The following OSMR variants were observed in gnomAD, a reference collection of about 807,000 sequenced individuals.
The protein encoded by OSMR is oncostatin-M-specific receptor subunit beta.
Under a neutral mutation model 99.9 loss-of-function variants are expected in OSMR, and 81 were observed. That is an observed-to-expected ratio of 0.81 (90% CI 0.68 to 0.97). The LOEUF is 0.97. Among genes scored for constraint, OSMR ranks in the 50% least tolerant of loss-of-function variants. The pLI is 0.00. For synonymous variants in OSMR, 406 were observed against 410.4 expected, an observed-to-expected ratio of 0.99 and a Z score of 0.13; for missense variants, 1,099 against 1,153.4, an observed-to-expected ratio of 0.95 and a Z score of 0.68.
exon 3 of OSMR, chr5:38,945,042 A>T: frequency 6.2e-7 from 1 of 1,608,800 alleles, no homozygotes; most frequent in Non-Finnish European, 8.5e-7. Flanking sequence ...TGCTCACACC[A>T]ATCAGAATAT....
chr5:38,876,194 T>C lies in OSMR; in HGVS notation c.74-7T>C, dbSNP rs369372985. 3.7e-6 allele frequency: 6 copies of C among 1,609,826 alleles called. No individual in the cohort carries two copies. Among genetic ancestry groups the C allele is most frequent in the Non-Finnish European group, 5.1e-6 (6 of 1,176,358 alleles). The stretch of plus-strand genomic sequence containing the variant: ...TATTATTTCATACTTCATTTTGATC[T>C]TTTCAGTCTTGGCTGAACGTTTACC... On this transcript the variant is annotated splice_polypyrimidine_tract_variant and splice_region_variant and intron_variant, in intron 2 of 17. Coordinates refer to ENST00000274276, the MANE Select transcript of OSMR (RefSeq NM_003999.3).
chr5:38,885,407 C>T lies in OSMR; in HGVS notation c.762C>T (p.His254=). 1.9e-6 allele frequency: 3 copies of T among 1,613,892 alleles called. No individual in the cohort carries two copies. Among genetic ancestry groups the T allele is most frequent in the Non-Finnish European group, 2.5e-6 (3 of 1,179,828 alleles). Residue 254 remains histidine (H), a synonymous_variant, in exon 6 of 18, where the codon CAC becomes CAT. Coordinates refer to ENST00000274276, the MANE Select transcript of OSMR (RefSeq NM_003999.3). ...AAACCGAGGACTTCAAGACTTTGCA[C>T]TGTACTTGGGATCCTGGGACGGACA... is the stretch of plus-strand genomic sequence containing the variant. ...SCETEDFKTL[H]CTWDPGTDTA...
At chr5:38,875,759 A>G (rs1742767712) in intron 2 of OSMR, among the ~76,000 whole-genome samples, 1 of 152,236 alleles carries the variant, frequency 6.6e-6, no homozygotes, top group South Asian at 2.1e-4. Flanking sequence ...CCATGTCTAC[A>G]GATAATACAT....
chr5:38,944,473 G>C (rs1336552726), intron 2 of OSMR: 4 of 1,610,974 alleles, frequency 2.5e-6, no homozygotes. Flanking sequence ...ATGACATTTA[G>C]TTGAAACTGA....
chr5:38,848,424 T>A (rs1740062051), intron 1 of OSMR, among the ~76,000 whole-genome samples: 1 of 152,230 alleles, frequency 6.6e-6, no homozygotes, highest in South Asian at 2.1e-4. Flanking sequence ...TCATTTTAGT[T>A]GTACTGGTCG....
At chr5:38,925,169 T>C (rs1347984676) in intron 14 of OSMR, 35 bp from the exon 15 acceptor site, 6 of 1,612,808 alleles carry the variant, frequency 3.7e-6, no homozygotes, top group South Asian at 1.1e-5. Context: ...AAATCTTTTT[T>C]TTCCTTGAAA....
At chr5:38,920,973 T>C (rs1424666145) in intron 11 of OSMR, among the ~76,000 whole-genome samples, 1 of 152,204 alleles carries the variant, frequency 6.6e-6, no homozygotes, top group Non-Finnish European at 1.5e-5. Context: ...CCTGAATATT[T>C]TCTTCTTTTT....
chr5:38,884,660 A>G (rs952190165), intron 5 of OSMR, among the ~76,000 whole-genome samples: 1 of 152,234 alleles, frequency 6.6e-6, no homozygotes, highest in African/African-American at 2.4e-5. Flanking sequence ...GTAGGAGATC[A>G]GCAAATGGAG....
chr5:38,853,089 CTT>C (rs1262322896), intron 1 of OSMR, among the ~76,000 whole-genome samples: 7 of 152,158 alleles, frequency 4.6e-5, no homozygotes, highest in Non-Finnish European at 1.0e-4. Flanking sequence ...GTATAGCTAT[CTT>C]TATCATTCTT....
In OSMR at chr5:38,876,121, A is replaced by G. The variant is rs993304080; in HGVS notation, c.74-80A>G. On this transcript the variant is annotated intron_variant, in intron 2 of 17. Transcript: ENST00000274276. ...TATTTTCCAGAGCTAAATAATGATG[A>G]TATTCAAGTTTAATTATTTCTGACT... The G allele has an allele frequency of 2.5e-6, 4 of 1,571,194 alleles. No homozygotes were observed. In the African/African-American group the frequency reaches 4.1e-5, roughly 16 times the overall value.
intron 1 of OSMR, among the ~76,000 whole-genome samples, chr5:38,867,547 C>T (rs576288222): frequency 6.6e-6 from 1 of 152,338 alleles, no homozygotes; most frequent in South Asian, 2.1e-4. Flanking sequence ...CTTCCCCTGA[C>T]TAACACATTT....
chr5:38,888,582 T>G (rs184248717), intron 7 of OSMR, among the ~76,000 whole-genome samples: 12 of 152,330 alleles, frequency 7.9e-5, no homozygotes, highest in Admixed American at 2.6e-4. Flanking sequence ...ACAGTTAAAA[T>G]CATTGTTAGC....
At chr5:38,868,256 T>C (rs548724833) in intron 1 of OSMR, among the ~76,000 whole-genome samples, 2 of 152,286 alleles carry the variant, frequency 1.3e-5, no homozygotes, top group Admixed American at 1.3e-4. Context: ...CAGCTGCTCT[T>C]GTCTGGGGTT....
intron 4 of OSMR, among the ~76,000 whole-genome samples, chr5:38,883,387 T>A (rs1476002822): frequency 6.6e-6 from 1 of 152,268 alleles, no homozygotes; most frequent in Admixed American, 6.5e-5. Flanking sequence ...ACCTTGCCAG[T>A]CTGAATGTGG....
chr5:38,904,494 C>T lies in OSMR; in HGVS notation c.1276C>T (p.Leu426Phe), dbSNP rs1404885183. 3 of 1,614,060 alleles carry T rather than the reference C, an allele frequency of 1.9e-6. No individual in the cohort carries two copies. The highest frequency in any genetic ancestry group is 1.3e-5 in the African/African-American group (1 of 74,906). ...SEWSGQNFTT[L>F]EAAPSEAPDV... ...ATGGAGTGGTCAGAACTTCACCACA[C>T]TTGAAGCTGGTATGTTCAGCCCCTG... The change falls in exon 9 of 18, where the codon CTT (leucine) becomes TTT (phenylalanine). Residue 426 changes from leucine (L) to phenylalanine (F), a missense_variant. By Grantham distance (22) the Leu-to-Phe change is conservative (BLOSUM62 0). Transcript: ENST00000274276.
chr5:38,849,020 C>T (rs1424367972), intron 1 of OSMR, among the ~76,000 whole-genome samples: 1 of 152,136 alleles, frequency 6.6e-6, no homozygotes, highest in Non-Finnish European at 1.5e-5. Context: ...TCAAGCAGTC[C>T]ACCTGCCTTG....
chr5:38,903,868 C>CT lies in OSMR; in HGVS notation c.992-6dup, dbSNP rs376033751. On this transcript the variant is annotated splice_polypyrimidine_tract_variant and intron_variant, in intron 7 of 17. Coordinates refer to ENST00000274276, the MANE Select transcript of OSMR (RefSeq NM_003999.3). ...TGCTTGAATTTTTTTGTTTCTTTTT[C>CT]TTTTTTTTGACAGTTTATTTAATGA... 1.1e-4 allele frequency: 174 copies of CT among 1,603,864 alleles called. 1 individual carries two copies. Among genetic ancestry groups the CT allele is most frequent in the African/African-American group, 6.0e-4 (45 of 74,724 alleles).
downstream of OSMR, among the ~76,000 whole-genome samples, chr5:38,937,284 T>C (rs189549319): frequency 2.0e-5 from 3 of 152,322 alleles, no homozygotes; most frequent in Admixed American, 1.3e-4. This position sits in a 1 kb window ranked among gnomAD's most constrained non-coding sequence, Gnocchi z 4.0. Flanking sequence ...CCTCCTGCCT[T>C]GGCTTCCCAA....
chr5:38,918,689 G>T, intron 10 of OSMR, 151 bp from the exon 11 acceptor site: 1 of 1,460,272 alleles, frequency 6.8e-7, no homozygotes. Context: ...TTCAGAGTTG[G>T]TTGAGAGAGT....
Sources: gnomAD v4.1 joint callset for allele counts (sites outside exome capture counted in the v4.1 genomes callset) on GRCh38, gnomAD v4.1.1 for gene constraint, Gnocchi (gnomAD v3.1) non-coding constraint, MANE v1.5 for transcripts, NCBI Gene and HGNC (gene_info 2026-07-23, HGNC 2026-07-21) for gene names.